The following TLE4 variants were observed in gnomAD, a reference collection of about 807,000 sequenced individuals.
The protein encoded by TLE4 is transducin-like enhancer protein 4.
TLE4 carries 8 observed loss-of-function variants against 92.8 expected under a neutral mutation model. That is an observed-to-expected ratio of 0.09 (90% CI 0.05 to 0.16). The LOEUF is 0.16. TLE4 is among the 10% of genes least tolerant of loss of function. The pLI is 1.00. For missense variants in TLE4, 675 were observed against 997.6 expected (o/e 0.68, Z 4.36); for synonymous variants, 371 against 374.1 (o/e 0.99, Z 0.10).
chr9:79,628,088 T>C (rs994383320), intron 6 of TLE4, among the ~76,000 whole-genome samples: 6 of 152,280 alleles, frequency 3.9e-5, no homozygotes, highest in Admixed American at 3.9e-4. Context: ...TATGTTTTTT[T>C]TTTCTCAGAT....
intron 4 of TLE4, among the ~76,000 whole-genome samples, chr9:79,597,844 T>C (rs1279413885): frequency 6.6e-6 from 1 of 152,186 alleles, no homozygotes; most frequent in African/African-American, 2.4e-5. Flanking sequence ...AGAGTAATCC[T>C]CTTAAAATTG....
Position 79,572,721 on chromosome 9 carries a change from T to A in TLE4, c.-70T>A. The A allele has an allele frequency of 3.3e-6, 5 of 1,531,764 alleles. No homozygotes were observed. Among genetic ancestry groups the A allele is most frequent in the Non-Finnish European group, 4.4e-6 (5 of 1,127,618 alleles). The allele number at this position is 1,531,764 out of a possible 1,614,324, so 94.9% of individuals were successfully genotyped here. A position where few individuals can be genotyped will look rare whatever the true frequency, so the allele number is the denominator to read the frequency against. On this transcript the variant is annotated 5_prime_UTR_variant, in exon 1 of 20. Transcript: ENST00000376552. ...GGCCGCCTCCGCTGCCGCGGCCGCC[T>A]CCTCTTCGGGGTCATTAAAGCCAAT...
intron 8 of TLE4, chr9:79,663,508 G>C (rs1165821946): frequency 6.6e-6 from 1 of 152,258 alleles, no homozygotes; most frequent in Non-Finnish European, 1.5e-5. Context: ...GTCTCTGACA[G>C]ACTCTGATGA....
chr9:79,619,340 T>A (rs2050401166), intron 5 of TLE4, among the ~76,000 whole-genome samples: 1 of 152,214 alleles, frequency 6.6e-6, no homozygotes. Flanking sequence ...TCGGTTAATA[T>A]GGTACTGAAT....
intron 4 of TLE4, among the ~76,000 whole-genome samples, chr9:79,593,204 C>G (rs370993867): frequency 6.8e-6 from 1 of 148,040 alleles, no homozygotes; most frequent in South Asian, 2.2e-4. Flanking sequence ...AGATCCATTC[C>G]AAAAAAAAAC....
rs111678774 is a variant in TLE4 at position 79,705,347 on chromosome 9, T to C, written c.729+445T>C. On this transcript the variant is annotated intron_variant, in intron 9 of 19. Coordinates refer to ENST00000376552, the MANE Select transcript of TLE4 (RefSeq NM_007005.6). ...ATCCAAGATCATCCCTAGCCTGGAA[T>C]GAAGCTCATTTTCCTTTAGTGGCTG... Among the ~76,000 whole-genome samples, 270 of 152,340 alleles carry C rather than the reference T, an allele frequency of 1.8e-3. 1 individual carries two copies. Among genetic ancestry groups the C allele is most frequent in the African/African-American group, 5.0e-3 (207 of 41,574 alleles).
chr9:79,652,476 C>T (rs966597438), intron 6 of TLE4, 117 bp from the exon 7 acceptor site: 135 of 1,144,698 alleles, frequency 1.2e-4, no homozygotes, highest in Middle Eastern at 2.4e-4. Context: ...CGTGAGCCAC[C>T]GTGCCCAGCC....
intron 14 of TLE4, among the ~76,000 whole-genome samples, chr9:79,717,417 C>T (rs1328207390): frequency 2.6e-5 from 4 of 152,092 alleles, no homozygotes; most frequent in Admixed American, 2.0e-4. Flanking sequence ...CATTGGCTTC[C>T]TAGCTTCCCA....
At position 79,619,467 on chromosome 9, in the gene TLE4, T is replaced by C. The variant is rs1206791100; in HGVS notation, c.315+6749T>C. On this transcript the variant is annotated intron_variant, in intron 5 of 19. Transcript: ENST00000376552. ...AAATGAAGAAAATACAGTGGTTATA[T>C]GCACTGGTGGAAGTGTTATCGCCTT... Among the ~76,000 whole-genome samples, 4 of 152,340 alleles carry C rather than the reference T, an allele frequency of 2.6e-5. No individual in the cohort carries two copies. The East Asian group carries it at 7.7e-4, about 29-fold the overall frequency.
chr9:79,613,128 G>A (rs2048740586), intron 5 of TLE4, among the ~76,000 whole-genome samples: 1 of 152,104 alleles, frequency 6.6e-6, no homozygotes, highest in South Asian at 2.1e-4. Context: ...AAGACTTTTT[G>A]TAGTAAACAA....
At chr9:79,648,150 G>A (rs1432675600) in intron 6 of TLE4, among the ~76,000 whole-genome samples, 1 of 152,100 alleles carries the variant, frequency 6.6e-6, no homozygotes, top group African/African-American at 2.4e-5. Context: ...TGGAACTTTT[G>A]TTTTTAAATA....
intron 8 of TLE4, among the ~76,000 whole-genome samples, chr9:79,677,962 GCTT>G (rs1185733606): frequency 6.6e-6 from 1 of 152,092 alleles, no homozygotes; most frequent in Non-Finnish European, 1.5e-5. Context: ...TATTTTGAAT[GCTT>G]CTTTATGTAT....
intron 4 of TLE4, among the ~76,000 whole-genome samples, chr9:79,588,757 G>A (rs1421507960): frequency 1.3e-5 from 2 of 152,250 alleles, no homozygotes; most frequent in African/African-American, 2.4e-5. Flanking sequence ...ACTTTTGAGT[G>A]CCTGCCTGGG....
At chr9:79,592,275 CTTTTT>C (rs1170642342) in intron 4 of TLE4, among the ~76,000 whole-genome samples, 1 of 106,916 alleles carries the variant, frequency 9.4e-6, no homozygotes, top group Admixed American at 9.9e-5. Context: ...TCTTCTTCTT[CTTTTT>C]TTTTTTTTTT....
At chr9:79,723,229 T>G (rs753243017) in intron 19 of TLE4, among the ~76,000 whole-genome samples, 194 bp downstream of exon 19, 6 of 152,236 alleles carry the variant, frequency 3.9e-5, no homozygotes, top group Non-Finnish European at 8.8e-5. Context: ...TAGTCCCCAG[T>G]GTTCTGAGCT....
At chr9:79,710,440 T>C (rs2072975308) in intron 14 of TLE4, among the ~76,000 whole-genome samples, 1 of 152,208 alleles carries the variant, frequency 6.6e-6, no homozygotes, top group African/African-American at 2.4e-5. Flanking sequence ...CCTTGCCTTG[T>C]TAGTCACCTG....
chr9:79,679,713 T>A (rs988352781), intron 8 of TLE4, among the ~76,000 whole-genome samples: 12 of 152,290 alleles, frequency 7.9e-5, no homozygotes, highest in Admixed American at 3.3e-4. Context: ...CTGAATGGTA[T>A]TGCCTAGGTT....
chr9:79,712,429 GTTGTC>G (rs1333201953), intron 14 of TLE4, among the ~76,000 whole-genome samples: 1 of 152,156 alleles, frequency 6.6e-6, no homozygotes, highest in Non-Finnish European at 1.5e-5. Context: ...ATTGTGCAAT[GTTGTC>G]TTGTGCATAT....
At chr9:79,709,584 C>A in intron 13 of TLE4, 39 bp from the exon 14 acceptor site, 1 of 1,572,272 alleles carries the variant, frequency 6.4e-7, no homozygotes, top group Non-Finnish European at 8.7e-7. Context: ...TCAAATGTAA[C>A]TGTGCTTATT....
Sources: allele counts gnomAD v4.1 joint callset (sites outside exome capture counted in the v4.1 genomes callset), GRCh38; gene constraint gnomAD v4.1.1; transcripts MANE v1.5; gene names NCBI Gene and HGNC (gene_info 2026-07-23, HGNC 2026-07-21).